TFEC: variants seen among roughly 807,000 people sequenced by gnomAD.
The protein encoded by TFEC is class E basic helix-loop-helix protein 34.
In TFEC, 31 loss-of-function variants were observed where a neutral mutation model predicts 41.6. That is an observed-to-expected ratio of 0.74 (90% confidence interval 0.56 to 1.01). The LOEUF (loss-of-function observed/expected upper bound fraction) is 1.01, where lower values mean the gene tolerates loss of function less well. TFEC is among the 50% of genes least tolerant of loss of function. The pLI is 0.00. For missense variants in TFEC, 402 were observed against 404.1 expected (o/e 0.99, Z 0.04); for synonymous variants, 143 against 140.6 (o/e 1.02, Z -0.12).
chr7:116,141,988 G>A (rs1004106317), intron 1 of TFEC, among the ~76,000 whole-genome samples: 1 of 152,116 alleles, frequency 6.6e-6, no homozygotes, highest in Non-Finnish European at 1.5e-5. Context: ...CTGGTTTGGG[G>A]TTTATCTCTT....
intron 1 of TFEC, chr7:116,120,487 A>C (rs1798087827): frequency 6.6e-6 from 1 of 151,906 alleles, no homozygotes; most frequent in African/African-American, 2.4e-5. Flanking sequence ...ACTGAATTTG[A>C]ATCTGCATTT....
intron 2 of TFEC, 139 bp downstream of exon 2, chr7:115,984,123 A>C: frequency 9.3e-7 from 1 of 1,080,266 alleles, no homozygotes; most frequent in Non-Finnish European, 1.3e-6. Context: ...TAATAAATAG[A>C]GAATAATTAA....
chr7:115,968,429 G>A (rs1792973976), intron 3 of TFEC: 1 of 746,680 alleles, frequency 1.3e-6, no homozygotes, highest in Non-Finnish European at 1.9e-6. Flanking sequence ...ACAGGGGGTT[G>A]TTAATATTTA....
chr7:116,142,457 C>G (rs1247880077), intron 1 of TFEC, among the ~76,000 whole-genome samples: 1 of 152,102 alleles, frequency 6.6e-6, no homozygotes, highest in African/African-American at 2.4e-5. Context: ...CTGTATGACT[C>G]CCACCGCATT....
At position 115,939,901 on chromosome 7, in the gene TFEC, A is replaced by G. The variant is rs1162502520; in HGVS notation, c.*650T>C. 6.6e-6 allele frequency: 1 copy of G among 152,064 alleles called. No individual in the cohort carries two copies. The highest frequency in any genetic ancestry group is 1.5e-5 in the Non-Finnish European group (1 of 67,992). 9.4% of individuals were successfully genotyped at this position (152,064 alleles called of 1,614,324 possible). On this transcript the variant is annotated 3_prime_UTR_variant, in exon 8 of 8. Transcript: ENST00000265440. ...GCATGGATGCTTTTAGAATTAGTGT[A>G]ATTGAACCAACTACAATAAAATGAG...
chr7:116,008,004 T>G (rs906656828), intron 1 of TFEC, among the ~76,000 whole-genome samples: 5 of 152,168 alleles, frequency 3.3e-5, no homozygotes, highest in Admixed American at 3.3e-4. Context: ...AAGTGATTCC[T>G]CTCCAGAAAG....
intron 3 of TFEC, among the ~76,000 whole-genome samples, chr7:115,973,199 A>G (rs1365581355): frequency 6.6e-6 from 1 of 151,998 alleles, no homozygotes; most frequent in Non-Finnish European, 1.5e-5. Flanking sequence ...GAGGTCCTGC[A>G]TACTAGAGAA....
intron 1 of TFEC, among the ~76,000 whole-genome samples, chr7:116,018,710 G>A (rs1300053785): frequency 6.6e-6 from 1 of 152,168 alleles, no homozygotes; most frequent in Non-Finnish European, 1.5e-5. Context: ...TTGAGTGTAT[G>A]GGGAGAAATG....
chr7:115,954,910 CT>C (rs2130400668), intron 4 of TFEC, among the ~76,000 whole-genome samples: 1 of 152,146 alleles, frequency 6.6e-6, no homozygotes, highest in Non-Finnish European at 1.5e-5. Context: ...CCACACTTCT[CT>C]GTGTTTCAGG....
At chr7:116,049,619 C>T (rs1458517066) in intron 3 of TFEC, among the ~76,000 whole-genome samples, 3 of 152,188 alleles carry the variant, frequency 2.0e-5, no homozygotes, top group Admixed American at 1.3e-4. Context: ...AAGCTCTGCA[C>T]CGAGTGGACC....
intron 1 of TFEC, among the ~76,000 whole-genome samples, chr7:116,153,325 G>C (rs1046380550): frequency 6.6e-6 from 1 of 152,014 alleles, no homozygotes; most frequent in Non-Finnish European, 1.5e-5. Context: ...GCGCAATCTC[G>C]GCTCACTGCA....
chr7:115,950,784 G>T, intron 6 of TFEC, 90 bp downstream of exon 6: 1 of 954,862 alleles, frequency 1.0e-6, no homozygotes, highest in African/African-American at 1.7e-5. Flanking sequence ...TAGTTTCCTA[G>T]TCATTGGTTC....
At chr7:116,110,553 T>C (rs1797830317) in intron 3 of TFEC, among the ~76,000 whole-genome samples, 1 of 152,140 alleles carries the variant, frequency 6.6e-6, no homozygotes, top group Admixed American at 6.6e-5. Flanking sequence ...TTAATGTAAA[T>C]TGTATCCACT....
chr7:116,095,749 A>AT (rs202020494), intron 3 of TFEC, among the ~76,000 whole-genome samples: 17 of 150,912 alleles, frequency 1.1e-4, no homozygotes, highest in South Asian at 8.4e-4. Flanking sequence ...GTTTCCTTTT[A>AT]TTTTTTTTTC....
intron 3 of TFEC, among the ~76,000 whole-genome samples, chr7:116,042,274 T>C (rs1377960039): frequency 2.0e-5 from 3 of 152,140 alleles, no homozygotes; most frequent in African/African-American, 4.8e-5. Flanking sequence ...ATACATATAA[T>C]ACAGCATAAG....
chr7:116,077,416 C>T (rs971424053), intron 3 of TFEC, among the ~76,000 whole-genome samples: 6 of 152,150 alleles, frequency 3.9e-5, no homozygotes, highest in Admixed American at 1.3e-4. Flanking sequence ...AGAATAGTAC[C>T]TCACATCTCA....
At chr7:116,055,689 T>C (rs909289472) in intron 3 of TFEC, among the ~76,000 whole-genome samples, 1 of 152,030 alleles carries the variant, frequency 6.6e-6, no homozygotes, top group African/African-American at 2.4e-5. Context: ...ATATATATCA[T>C]CTCAATGATT....
Position 115,999,983 on chromosome 7 carries a change from C to T in TFEC, c.-72-15470G>A, listed in dbSNP as rs566957797. On this transcript the variant is annotated intron_variant, in intron 1 of 7. Transcript: ENST00000265440. ...AACCCATTCTACAAGGTCAGTATTA[C>T]TCTGATCTCAAAACCAGACAAAGAC... Among the ~76,000 whole-genome samples the T allele has an allele frequency of 2.0e-5, 3 of 152,052 alleles. No individual in the cohort carries two copies. In the South Asian group the frequency reaches 6.2e-4, roughly 32 times the overall value.
chr7:116,153,581 T>C (rs886193437), intron 1 of TFEC, among the ~76,000 whole-genome samples: 6 of 152,138 alleles, frequency 3.9e-5, no homozygotes, highest in African/African-American at 1.4e-4. Context: ...GTTGTCACAG[T>C]TGTGGTTATT....
Sources: allele counts gnomAD v4.1 joint callset (sites outside exome capture counted in the v4.1 genomes callset), GRCh38; gene constraint gnomAD v4.1.1; transcripts MANE v1.5; gene names NCBI Gene and HGNC (gene_info 2026-07-23, HGNC 2026-07-21).